SLC26A5: variants seen among roughly 807,000 people sequenced by gnomAD.
SLC26A5 encodes solute carrier family 26 member 5.
SLC26A5 carries 51 observed loss-of-function variants against 81.0 expected under a neutral mutation model. That is an observed-to-expected ratio of 0.63 (90% CI 0.50 to 0.80). The LOEUF (loss-of-function observed/expected upper bound fraction) is 0.80, where lower values mean the gene tolerates loss of function less well. SLC26A5 is among the 30% of genes least tolerant of loss of function. SLC26A5 has a pLI of 0.00. For synonymous variants in SLC26A5, 325 were observed against 332.8 expected (o/e 0.98, Z 0.25); for missense variants, 771 against 905.8 (o/e 0.85, Z 1.91).
In SLC26A5 at chr7:103,390,421, AC is replaced by A; in HGVS notation, c.1311+7del. 1 of 1,613,086 alleles carries A rather than the reference AC, an allele frequency of 6.2e-7. No individual in the cohort carries two copies. The highest frequency in any genetic ancestry group is 8.5e-7 in the Non-Finnish European group (1 of 1,179,000). On this transcript the variant is annotated splice_region_variant and intron_variant, in intron 12 of 19. Transcript: ENST00000306312. Reference sequence around the variant, plus strand: ...AAAAAACTTCACCCAAGTCCACATTACACACACCTGGGGCAATGATTCAAAG... The same window carrying A: ...AAAAAACTTCACCCAAGTCCACATTAACACACCTGGGGCAATGATTCAAAG...
chr7:103,444,462 TGATC>T (rs1827124410), intron 1 of SLC26A5, among the ~76,000 whole-genome samples: 3 of 152,338 alleles, frequency 2.0e-5, no homozygotes, highest in South Asian at 4.1e-4. Flanking sequence ...CAACTGACTT[TGATC>T]GTCAATTAAA....
chr7:103,395,536 T>G (rs1823039191), intron 9 of SLC26A5, among the ~76,000 whole-genome samples: 1 of 145,568 alleles, frequency 6.9e-6, no homozygotes, highest in East Asian at 2.0e-4. Context: ...TTTTTTTTTT[T>G]TTTTGAGATG....
chr7:103,374,655 A>C, intron 19 of SLC26A5, 63 bp from the exon 20 acceptor site: 1 of 1,501,828 alleles, frequency 6.7e-7, no homozygotes, highest in Non-Finnish European at 9.2e-7. Context: ...CAATTAAAAA[A>C]AAGTAACACT....
At chr7:103,436,527 A>G (rs1490069496) in intron 2 of SLC26A5, among the ~76,000 whole-genome samples, 1 of 152,170 alleles carries the variant, frequency 6.6e-6, no homozygotes, top group Non-Finnish European at 1.5e-5. Context: ...AAGGAGTCAT[A>G]AACCAATACC....
chr7:103,414,146 G>T (rs1824719600), intron 4 of SLC26A5, among the ~76,000 whole-genome samples: 1 of 131,318 alleles, frequency 7.6e-6, no homozygotes, highest in Non-Finnish European at 1.6e-5. Context: ...CCCATCCCCT[G>T]GACACTAATG....
chr7:103,354,077 C>G (rs765710021), intron 19 of SLC26A5: 3 of 742,612 alleles, frequency 4.0e-6, no homozygotes, highest in Non-Finnish European at 6.3e-6. Context: ...AAAAACCAAA[C>G]AAAAAATAAA....
In SLC26A5 at chr7:103,413,084, C is replaced by A; in HGVS notation, c.321G>T (p.Val107=). ...AAGAGTACAGGCCAAATATTGGAGG[C>A]ACAGCTGCCAGCATTGCAAAGGCTA... ...QGLAFAMLAA[V]PPIFGLYSSF... The change falls in exon 5 of 20, where the codon GTG becomes GTT. Residue 107 remains valine, a synonymous_variant. Coordinates refer to ENST00000306312, the MANE Select transcript of SLC26A5 (RefSeq NM_198999.3). The A allele has an allele frequency of 6.2e-7, 1 of 1,613,818 alleles. No individual in the cohort carries two copies. The highest frequency in any genetic ancestry group is 8.5e-7 in the Non-Finnish European group (1 of 1,179,872).
At chr7:103,430,879 C>T (rs1826031995) in intron 2 of SLC26A5, among the ~76,000 whole-genome samples, 1 of 152,184 alleles carries the variant, frequency 6.6e-6, no homozygotes, top group Admixed American at 6.5e-5. Flanking sequence ...CCCAGTCCTC[C>T]TTTGTCCTAT....
chr7:103,423,551 G>A (rs1359520548), intron 2 of SLC26A5, among the ~76,000 whole-genome samples: 1 of 152,164 alleles, frequency 6.6e-6, no homozygotes, highest in Non-Finnish European at 1.5e-5. Context: ...GGGCTCTGGA[G>A]CACTCACGAA....
intron 4 of SLC26A5, among the ~76,000 whole-genome samples, chr7:103,417,480 C>T (rs1825012227): frequency 6.6e-6 from 1 of 151,694 alleles, no homozygotes; most frequent in African/African-American, 2.4e-5. Context: ...CTGGTTCCTC[C>T]TTCTGTATTT....
chr7:103,406,983 C>T (rs186395934), intron 8 of SLC26A5, among the ~76,000 whole-genome samples: 1 of 152,306 alleles, frequency 6.6e-6, no homozygotes, highest in Admixed American at 6.5e-5. Flanking sequence ...TTGCCGCTCC[C>T]ACACACGTGC....
At chr7:103,381,563 C>A (rs777628212) in intron 14 of SLC26A5, among the ~76,000 whole-genome samples, 1 of 151,116 alleles carries the variant, frequency 6.6e-6, no homozygotes, top group Non-Finnish European at 1.5e-5. Context: ...ACCACACACA[C>A]CCCTACATAC....
chr7:103,359,682 T>C (rs1244504819), intron 19 of SLC26A5, among the ~76,000 whole-genome samples: 1 of 152,246 alleles, frequency 6.6e-6, no homozygotes, highest in African/African-American at 2.4e-5. Flanking sequence ...GTCTAATTTC[T>C]CTATCTGTAT....
chr7:103,373,413 C>T (rs763047553), downstream of SLC26A5, among the ~76,000 whole-genome samples: 3 of 152,148 alleles, frequency 2.0e-5, no homozygotes, highest in Non-Finnish European at 4.4e-5. Context: ...TTAGATATAA[C>T]TTCCAGATTG....
At chr7:103,363,950 TTA>T (rs1461941775) in intron 19 of SLC26A5, among the ~76,000 whole-genome samples, 1 of 152,258 alleles carries the variant, frequency 6.6e-6, no homozygotes, top group Non-Finnish European at 1.5e-5. Flanking sequence ...AGTTTAGAAC[TTA>T]TGTCTTAGAA....
At position 103,442,748 on chromosome 7, in the gene SLC26A5, T is replaced by G. The variant is rs528853204; in HGVS notation, c.-54+335A>C. Among the ~76,000 whole-genome samples, 9 of 152,310 alleles carry G rather than the reference T, an allele frequency of 5.9e-5. No homozygotes were observed. The East Asian group carries it at 1.7e-3, about 29-fold the overall frequency. On this transcript the variant is annotated intron_variant, in intron 2 of 19. Coordinates refer to ENST00000306312, the MANE Select transcript of SLC26A5 (RefSeq NM_198999.3). ...TCATATGCCTGGTTAGTGGCAGAGC[T>G]TGGCTTAAAACCATGATCTCCATTA... is the stretch of plus-strand genomic sequence containing the variant.
chr7:103,444,621 G>A (rs1179715371), intron 1 of SLC26A5, among the ~76,000 whole-genome samples: 1 of 152,122 alleles, frequency 6.6e-6, no homozygotes, highest in Non-Finnish European at 1.5e-5. Flanking sequence ...CAATTCTTTT[G>A]GTTTCACTCA....
chr7:103,364,321 A>G, intron 19 of SLC26A5: 1 of 1,613,436 alleles, frequency 6.2e-7, no homozygotes, highest in African/African-American at 1.3e-5. Context: ...AAGTAAATTT[A>G]TCAAAGAATA....
At chr7:103,389,548 G>A (rs574638215) in intron 12 of SLC26A5, 124 bp from the exon 13 acceptor site, 10 of 744,866 alleles carry the variant, frequency 1.3e-5, no homozygotes, top group East Asian at 2.6e-5. Flanking sequence ...ATATGGCACC[G>A]ATGGTAGCTT....
Sources: gnomAD v4.1 joint callset for allele counts (sites outside exome capture counted in the v4.1 genomes callset) on GRCh38, gnomAD v4.1.1 for gene constraint, MANE v1.5 for transcripts, NCBI Gene and HGNC (gene_info 2026-07-23, HGNC 2026-07-21) for gene names.